ATG7: variants seen among roughly 807,000 people sequenced by gnomAD.
ATG7 encodes ubiquitin-like modifier-activating enzyme ATG7.
ATG7 carries 70 observed loss-of-function variants against 82.4 expected under a neutral mutation model. The ratio of observed to expected loss-of-function variants is 0.85; its 90% CI spans 0.70 to 1.04. ATG7 has a LOEUF of 1.04. ATG7 is among the 50% of genes least tolerant of loss of function. The pLI, the probability that ATG7 is intolerant of heterozygous loss-of-function variation, is 0.00. For missense variants in ATG7, 792 were observed against 864.3 expected, an observed-to-expected ratio of 0.92 and a Z score of 1.05; for synonymous variants, 287 against 313.0, an observed-to-expected ratio of 0.92 and a Z score of 0.88.
At chr3:11,345,858 C>G (rs1954461001) in intron 13 of ATG7, among the ~76,000 whole-genome samples, 1 of 151,894 alleles carries the variant, frequency 6.6e-6, no homozygotes, top group Non-Finnish European at 1.5e-5. Context: ...TAACATTTTT[C>G]AAAATTTCAA....
intron 20 of ATG7, among the ~76,000 whole-genome samples, chr3:11,462,834 C>T (rs553654273): frequency 4.7e-5 from 7 of 148,558 alleles, no homozygotes; most frequent in Admixed American, 1.4e-4. Context: ...TGGCTCCTCT[C>T]AGATATTTTT....
chr3:11,532,681 C>G (rs1184577202), intron 20 of ATG7, among the ~76,000 whole-genome samples: 1 of 152,158 alleles, frequency 6.6e-6, no homozygotes, highest in African/African-American at 2.4e-5. Flanking sequence ...CATGACTGTG[C>G]CACTGCACTC....
At chr3:11,472,229 T>G (rs1422513853) in intron 20 of ATG7, among the ~76,000 whole-genome samples, 1 of 152,204 alleles carries the variant, frequency 6.6e-6, no homozygotes, top group Admixed American at 6.5e-5. Context: ...TAGCAAACTT[T>G]CCATCTCCCC....
chr3:11,399,338 A>T (rs2079593109), intron 19 of ATG7, among the ~76,000 whole-genome samples: 1 of 152,222 alleles, frequency 6.6e-6, no homozygotes, highest in Non-Finnish European at 1.5e-5. Context: ...AAAGAGTGAG[A>T]CACTGTCTCA....
At chr3:11,379,891 G>C (rs2077751344) in intron 18 of ATG7, 81 bp from the exon 19 acceptor site, 1 of 1,380,876 alleles carries the variant, frequency 7.2e-7, no homozygotes, top group Non-Finnish European at 1.0e-6. Flanking sequence ...TTTCCTACTT[G>C]TTGTCAGAAA....
At chr3:11,354,173 C>G (rs1051896272) in intron 14 of ATG7, among the ~76,000 whole-genome samples, 1 of 152,190 alleles carries the variant, frequency 6.6e-6, no homozygotes, top group African/African-American at 2.4e-5. Flanking sequence ...AATTCCTTCT[C>G]TTCTACTCCA....
the ATG7 span, chr3:11,565,007 G>A: frequency 6.7e-7 from 1 of 1,495,354 alleles, no homozygotes; most frequent in Non-Finnish European, 8.9e-7. The surrounding 1 kb of genome is among the most constrained non-coding windows in gnomAD (Gnocchi z 4.1). Context: ...AGTCTCCATT[G>A]GCAGTCTTGT....
chr3:11,418,827 C>T (rs1408546357), intron 19 of ATG7, among the ~76,000 whole-genome samples: 1 of 152,150 alleles, frequency 6.6e-6, no homozygotes, highest in African/African-American at 2.4e-5. Flanking sequence ...CCTCAGGAAA[C>T]TTACAATTAT....
chr3:11,501,218 C>A (rs2091295012), intron 20 of ATG7, among the ~76,000 whole-genome samples: 1 of 152,222 alleles, frequency 6.6e-6, no homozygotes, highest in Non-Finnish European at 1.5e-5. Context: ...TGTGCTACTG[C>A]ACTCAGCCTG....
intron 20 of ATG7, among the ~76,000 whole-genome samples, chr3:11,457,915 G>A (rs1455019826): frequency 6.6e-6 from 1 of 152,170 alleles, no homozygotes; most frequent in Non-Finnish European, 1.5e-5. Context: ...CTAGTGCATT[G>A]CCTGGTATGG....
chr3:11,380,133 C>G, intron 19 of ATG7, 81 bp downstream of exon 19: 1 of 1,373,202 alleles, frequency 7.3e-7, no homozygotes, highest in South Asian at 1.2e-5. Flanking sequence ...AGCTGGAGCC[C>G]TTGAAACCAA....
the ATG7 span, among the ~76,000 whole-genome samples, chr3:11,576,007 C>A: frequency 6.6e-6 from 1 of 152,228 alleles, no homozygotes; most frequent in Admixed American, 6.5e-5. Context: ...AAATAAGGTA[C>A]CAGTTTTCTT....
chr3:11,315,630 A>G, intron 9 of ATG7, 137 bp downstream of exon 9: 1 of 769,878 alleles, frequency 1.3e-6, no homozygotes, highest in East Asian at 2.9e-5. Context: ...ACATTTCCTT[A>G]TCTCTATCCT....
intron 12 of ATG7, among the ~76,000 whole-genome samples, 177 bp downstream of exon 12, chr3:11,340,912 T>TGG (rs926996292): frequency 1.1e-4 from 17 of 152,144 alleles, no homozygotes; most frequent in Non-Finnish European, 2.2e-4. Context: ...TAACAATGCA[T>TGG]ATCCTGAAGG....
chr3:11,548,267 G>A (rs1365448434), intron 20 of ATG7, among the ~76,000 whole-genome samples: 1 of 152,094 alleles, frequency 6.6e-6, no homozygotes, highest in East Asian at 1.9e-4. Flanking sequence ...TCAAACTCCT[G>A]TCTTTATATA....
chr3:11,368,451 C>G (rs972452827), intron 18 of ATG7, among the ~76,000 whole-genome samples: 1 of 151,960 alleles, frequency 6.6e-6, no homozygotes, highest in Non-Finnish European at 1.5e-5. Flanking sequence ...AAATTAACAG[C>G]CTGTTGGCCT....
intron 19 of ATG7, among the ~76,000 whole-genome samples, chr3:11,414,568 C>A (rs762305869): frequency 7.9e-5 from 12 of 152,096 alleles, no homozygotes; most frequent in Non-Finnish European, 1.6e-4. Context: ...ATTAGCTAGG[C>A]CTTCTATTAT....
intron 20 of ATG7, among the ~76,000 whole-genome samples, chr3:11,446,296 C>T (rs528927026): frequency 1.1e-4 from 16 of 151,866 alleles, no homozygotes; most frequent in East Asian, 7.7e-4. Flanking sequence ...TCTGTGATAA[C>T]GATAGAATAA....
intron 1 of ATG7, among the ~76,000 whole-genome samples, chr3:11,276,139 A>G (rs1941736161): frequency 6.6e-6 from 1 of 152,034 alleles, no homozygotes; most frequent in Non-Finnish European, 1.5e-5. Flanking sequence ...TGTCTTCCTC[A>G]TATTCATTCC....
Sources: gnomAD v4.1 joint callset for allele counts (sites outside exome capture counted in the v4.1 genomes callset) on GRCh38, gnomAD v4.1.1 for gene constraint, Gnocchi (gnomAD v3.1) non-coding constraint, MANE v1.5 for transcripts, NCBI Gene and HGNC (gene_info 2026-07-23, HGNC 2026-07-21) for gene names.